Variants in ETV6 observed in about 807,000 individuals in gnomAD.
ETV6 encodes transcription factor ETV6.
In ETV6, 16 loss-of-function variants were observed where a neutral mutation model predicts 51.1. The observed-to-expected ratio is 0.31, with a 90% CI of 0.21 to 0.48. The LOEUF (loss-of-function observed/expected upper bound fraction) is 0.48. ETV6 is among the 20% of genes least tolerant of loss of function. The pLI is 0.99. For missense variants in ETV6, 458 were observed against 594.8 expected, an observed-to-expected ratio of 0.77 and a Z score of 2.39; for synonymous variants, 240 against 224.1, an observed-to-expected ratio of 1.07 and a Z score of -0.64.
intron 4 of ETV6, among the ~76,000 whole-genome samples, chr12:11,860,477 A>G (rs1364586119): frequency 1.3e-5 from 2 of 152,088 alleles, no homozygotes; most frequent in Non-Finnish European, 2.9e-5. Flanking sequence ...TACCTGTAAA[A>G]GAAGGAAAAT....
At chr12:11,834,232 T>C (rs542562333) in intron 2 of ETV6, among the ~76,000 whole-genome samples, 1 of 152,336 alleles carries the variant, frequency 6.6e-6, no homozygotes, top group Admixed American at 6.5e-5. Context: ...AATCAAGTTA[T>C]GAGACAACAT....
intron 2 of ETV6, among the ~76,000 whole-genome samples, chr12:11,831,688 A>G (rs1946248839): frequency 6.6e-6 from 1 of 152,252 alleles, no homozygotes; most frequent in Non-Finnish European, 1.5e-5. Flanking sequence ...CATTGAGATT[A>G]TTACATATGT....
At chr12:11,871,873 G>A (rs1402734894) in intron 5 of ETV6, among the ~76,000 whole-genome samples, 1 of 152,040 alleles carries the variant, frequency 6.6e-6, no homozygotes, top group Non-Finnish European at 1.5e-5. Context: ...AAATAAAACT[G>A]GGGAAAAAAA....
At chr12:11,785,374 A>G (rs1364324416) in intron 2 of ETV6, among the ~76,000 whole-genome samples, 1 of 152,082 alleles carries the variant, frequency 6.6e-6, no homozygotes, top group Non-Finnish European at 1.5e-5. Flanking sequence ...TACCCTTTCC[A>G]TGACATTTTT....
intron 3 of ETV6, among the ~76,000 whole-genome samples, chr12:11,842,368 T>C (rs543862426): frequency 9.6e-4 from 146 of 151,950 alleles, no homozygotes; most frequent in African/African-American, 3.1e-3. Context: ...TCCTTTATCT[T>C]AGAGCATTCT....
Position 11,894,169 on chromosome 12 carries a change from T to A in ETV6, c.*3123T>A, listed in dbSNP as rs1019967645. 1.3e-5 allele frequency: 3 copies of A among 231,458 alleles called. No homozygotes were observed. Among genetic ancestry groups the A allele is most frequent in the African/African-American group, 6.6e-5 (3 of 45,202 alleles). 14.3% of individuals were successfully genotyped at this position (231,458 alleles called of 1,614,324 possible). ...CCATAATCCCTGCTTTCAGAGTTTA[T>A]ATTGTACCTGCCTAATCCACCCGGC... On this transcript the variant is annotated 3_prime_UTR_variant, in exon 8 of 8. Coordinates refer to ENST00000396373, the MANE Select transcript of ETV6 (RefSeq NM_001987.5).
At chr12:11,695,628 G>A (rs1864862511) in intron 1 of ETV6, among the ~76,000 whole-genome samples, 1 of 152,222 alleles carries the variant, frequency 6.6e-6, no homozygotes, top group Admixed American at 6.5e-5. Context: ...TGTTAGTTCT[G>A]CAACATGCAG....
chr12:11,828,607 G>A (rs1421698318), intron 2 of ETV6, among the ~76,000 whole-genome samples: 1 of 152,188 alleles, frequency 6.6e-6, no homozygotes, highest in Non-Finnish European at 1.5e-5. Context: ...GGATAAACTT[G>A]AGGTAGTCTA....
At position 11,650,175 on chromosome 12, in the gene ETV6, C is replaced by T. The variant is rs749600082; in HGVS notation, c.33+15C>T. The stretch of plus-strand genomic sequence containing the variant: ...GTAGCATTAAGGTAAAAATCTTCTC[C>T]CCTCCTTCTACGTGGTGGAAACCCT... On this transcript the variant is annotated intron_variant, in intron 1 of 7. Coordinates refer to ENST00000396373, the MANE Select transcript of ETV6 (RefSeq NM_001987.5). 32 of 1,611,320 alleles carry T rather than the reference C, an allele frequency of 2.0e-5. No individual in the cohort carries two copies. The highest frequency in any genetic ancestry group is 6.7e-5 in the East Asian group (3 of 44,880).
intron 2 of ETV6, among the ~76,000 whole-genome samples, chr12:11,835,113 G>A (rs1946297160): frequency 6.6e-6 from 1 of 152,234 alleles, no homozygotes; most frequent in African/African-American, 2.4e-5. Flanking sequence ...AAGGGCCTGG[G>A]TGTGTCACTG....
intron 2 of ETV6, among the ~76,000 whole-genome samples, chr12:11,770,394 C>T (rs1160546281): frequency 1.3e-5 from 2 of 152,008 alleles, no homozygotes; most frequent in East Asian, 1.9e-4. Context: ...TGCTGGGTTG[C>T]CTATGCCCAT....
intron 1 of ETV6, among the ~76,000 whole-genome samples, chr12:11,751,580 C>T (rs778819095): frequency 3.9e-5 from 6 of 152,182 alleles, no homozygotes; most frequent in South Asian, 2.1e-4. Flanking sequence ...TTAAAACTCA[C>T]GGTAATCCTT....
chr12:11,676,524 C>T (rs1864424614), intron 1 of ETV6, among the ~76,000 whole-genome samples: 1 of 152,204 alleles, frequency 6.6e-6, no homozygotes, highest in South Asian at 2.1e-4. Context: ...CCTCTTCTCT[C>T]CTGGCCTTTG....
chr12:11,878,551 G>T (rs1363366022), intron 5 of ETV6, among the ~76,000 whole-genome samples: 1 of 152,056 alleles, frequency 6.6e-6, no homozygotes, highest in Non-Finnish European at 1.5e-5. Context: ...CACACCTTAT[G>T]TAATCACAGG....
At chr12:11,724,043 G>C (rs549365256) in intron 1 of ETV6, among the ~76,000 whole-genome samples, 3 of 152,158 alleles carry the variant, frequency 2.0e-5, no homozygotes, top group African/African-American at 7.2e-5. Flanking sequence ...CCCCTGACCT[G>C]AGGGTGCTGT....
chr12:11,842,212 G>A (rs986418489), intron 3 of ETV6, among the ~76,000 whole-genome samples: 15 of 152,166 alleles, frequency 9.9e-5, no homozygotes, highest in African/African-American at 2.4e-4. Context: ...ATGCCTCTCC[G>A]GCTTGTCTGA....
At chr12:11,744,850 G>A (rs2121035172) in intron 1 of ETV6, among the ~76,000 whole-genome samples, 1 of 151,584 alleles carries the variant, frequency 6.6e-6, no homozygotes, top group East Asian at 1.9e-4. Flanking sequence ...GACGTGACAA[G>A]GAATCACAGT....
chr12:11,770,825 A>G (rs1945233054), intron 2 of ETV6, among the ~76,000 whole-genome samples: 1 of 152,010 alleles, frequency 6.6e-6, no homozygotes, highest in African/African-American at 2.4e-5. Context: ...GCTTGATCCC[A>G]TGAGTTCAAG....
chr12:11,827,464 G>A (rs765994429), intron 2 of ETV6, among the ~76,000 whole-genome samples: 1 of 152,070 alleles, frequency 6.6e-6, no homozygotes, highest in Non-Finnish European at 1.5e-5. Context: ...ATTTGCCTTT[G>A]GGTCCCTATG....
Sources: gnomAD v4.1 joint callset for allele counts (sites outside exome capture counted in the v4.1 genomes callset) on GRCh38, gnomAD v4.1.1 for gene constraint, MANE v1.5 for transcripts, NCBI Gene and HGNC (gene_info 2026-07-23, HGNC 2026-07-21) for gene names.